B3GALT1: variants seen among roughly 807,000 people sequenced by gnomAD.
B3GALT1 encodes beta-1,3-galactosyltransferase 1.
A neutral mutation model predicts 23.2 loss-of-function variants in B3GALT1; 10 were observed. That is an observed-to-expected ratio of 0.43 (90% CI 0.27 to 0.73). The LOEUF is 0.73. Ranked by LOEUF, B3GALT1 falls within the 30% of genes least tolerant of loss-of-function variation. The pLI is 0.21. For synonymous variants in B3GALT1, 156 were observed against 141.5 expected (o/e 1.10, Z -0.73); for missense variants, 299 against 405.4 (o/e 0.74, Z 2.25).
chr2:167,859,503 G>T (rs1690058759), intron 4 of B3GALT1, among the ~76,000 whole-genome samples: 1 of 152,112 alleles, frequency 6.6e-6, no homozygotes, highest in South Asian at 2.1e-4. Flanking sequence ...CACACACAAA[G>T]ACATCCTCAT....
chr2:167,562,695 G>A (rs984337626), intron 2 of B3GALT1, among the ~76,000 whole-genome samples: 11 of 149,516 alleles, frequency 7.4e-5, no homozygotes, highest in Non-Finnish European at 1.2e-4. Flanking sequence ...GTTTCTCGCA[G>A]AGGGGGATTT....
rs535369991 is a variant in B3GALT1, at chr2:167,303,682, C to CACACACACACACACACACACACACATAG, written c.-511+10349_-511+10350insCACACACACACACACACACACACATAGA. The stretch of plus-strand genomic sequence containing the variant: ...ACACACACACACACACACACACACA[C>CACACACACACACACACACACACACATAG]AGAGAGAGACCTTGTTGCTGCCATT... On this transcript the variant is annotated intron_variant, in intron 1 of 4. Coordinates refer to ENST00000392690, the MANE Select transcript of B3GALT1 (RefSeq NM_020981.4). Among the ~76,000 whole-genome samples the CACACACACACACACACACACACACATAG allele has an allele frequency of 2.0e-4, 30 of 148,830 alleles. No homozygotes were observed. In the East Asian group the frequency reaches 2.1e-3, roughly 10 times the overall value.
chr2:167,327,954 C>A, intron 1 of B3GALT1, among the ~76,000 whole-genome samples: 1 of 152,246 alleles, frequency 6.6e-6, no homozygotes, highest in Non-Finnish European at 1.5e-5. Context: ...TCATCAAATA[C>A]TTTTTCTGCA....
intron 2 of B3GALT1, among the ~76,000 whole-genome samples, chr2:167,608,229 C>G (rs1194153393): frequency 2.0e-5 from 3 of 152,060 alleles, no homozygotes; most frequent in Admixed American, 6.6e-5. Flanking sequence ...CAAAATTAAA[C>G]AAACATAAGT....
intron 3 of B3GALT1, among the ~76,000 whole-genome samples, chr2:167,686,861 T>A (rs1048269166): frequency 1.3e-5 from 2 of 152,202 alleles, no homozygotes; most frequent in African/African-American, 4.8e-5. Flanking sequence ...CCGTGCTCAT[T>A]CCTGAGCAGC....
chr2:167,598,245 C>A (rs1574159938), intron 2 of B3GALT1, among the ~76,000 whole-genome samples: 1 of 151,762 alleles, frequency 6.6e-6, no homozygotes, highest in Non-Finnish European at 1.5e-5. Flanking sequence ...TTCAAACCCT[C>A]AATTCTGATT....
chr2:167,524,747 A>G (rs1257327721), intron 2 of B3GALT1, among the ~76,000 whole-genome samples: 11 of 152,188 alleles, frequency 7.2e-5, no homozygotes, highest in South Asian at 2.1e-4. Context: ...TTTCTTTGCA[A>G]GAGAGAGGCA....
intron 1 of B3GALT1, among the ~76,000 whole-genome samples, chr2:167,311,177 G>A (rs1317651821): frequency 6.6e-6 from 1 of 152,050 alleles, no homozygotes; most frequent in African/African-American, 2.4e-5. Context: ...AGTATTGAGA[G>A]GAGATATATG....
Position 167,478,588 on chromosome 2 carries a change from TTAAGTTC to T in B3GALT1, c.-510-11586_-510-11580del, listed in dbSNP as rs548638551. On this transcript the variant is annotated intron_variant, in intron 1 of 4. Transcript: ENST00000392690. ...TTATAGTTTTTTTTTAAATTATACT[TTAAGTTC>T]TAGGGTACATGTGCACAACGTGCAG... 3.4e-3 allele frequency among the ~76,000 whole-genome samples: 519 copies of T among 152,214 alleles called. 6 individuals carry two copies. The highest frequency in any genetic ancestry group is 6.4e-3 in the South Asian group (31 of 4,810).
chr2:167,713,361 C>G (rs1687092143), intron 3 of B3GALT1, among the ~76,000 whole-genome samples: 1 of 152,166 alleles, frequency 6.6e-6, no homozygotes, highest in Non-Finnish European at 1.5e-5. Flanking sequence ...ATTATTATCA[C>G]AAAATGAAGT....
At chr2:167,737,193 G>A (rs904973460) in intron 3 of B3GALT1, among the ~76,000 whole-genome samples, 3 of 152,160 alleles carry the variant, frequency 2.0e-5, no homozygotes, top group African/African-American at 7.2e-5. Flanking sequence ...TATTCGCCAG[G>A]CATCATGCTA....
At chr2:167,457,598 C>T (rs1212107071) in intron 1 of B3GALT1, among the ~76,000 whole-genome samples, 2 of 151,888 alleles carry the variant, frequency 1.3e-5, no homozygotes, top group South Asian at 2.1e-4. Flanking sequence ...TTCCATAATC[C>T]ATCACCAATT....
intron 1 of B3GALT1, among the ~76,000 whole-genome samples, chr2:167,381,045 CAAAAT>C (rs1469142293): frequency 3.9e-5 from 6 of 152,038 alleles, no homozygotes; most frequent in African/African-American, 7.2e-5. Context: ...AAAAACAAAA[CAAAAT>C]AACACTTCTG....
chr2:167,324,023 A>G (rs1696853421), intron 1 of B3GALT1, among the ~76,000 whole-genome samples: 1 of 151,984 alleles, frequency 6.6e-6, no homozygotes, highest in South Asian at 2.1e-4. Flanking sequence ...TCCAGGCCAC[A>G]GTCGTCTTGA....
intron 4 of B3GALT1, among the ~76,000 whole-genome samples, chr2:167,824,176 T>C (rs553439947): frequency 1.3e-5 from 2 of 152,334 alleles, no homozygotes; most frequent in African/African-American, 4.8e-5. Flanking sequence ...AAAAAGCTAG[T>C]TTAGCTGGAG....
intron 2 of B3GALT1, among the ~76,000 whole-genome samples, chr2:167,556,859 G>T (rs953437412): frequency 6.6e-6 from 1 of 152,126 alleles, no homozygotes. Context: ...CCATCTTCCT[G>T]CAATGGAATA....
chr2:167,792,918 G>T (rs1422881213), intron 3 of B3GALT1, among the ~76,000 whole-genome samples: 1 of 151,502 alleles, frequency 6.6e-6, no homozygotes, highest in Admixed American at 6.6e-5. Flanking sequence ...AGATGAAGAA[G>T]GAGGAAATAA....
At chr2:167,825,226 G>A (rs1259027634) in intron 4 of B3GALT1, among the ~76,000 whole-genome samples, 2 of 149,068 alleles carry the variant, frequency 1.3e-5, no homozygotes, top group Admixed American at 6.7e-5. Context: ...GAAGCTTGCA[G>A]TGAGCCGAGA....
intron 3 of B3GALT1, among the ~76,000 whole-genome samples, chr2:167,675,382 C>G (rs536126326): frequency 6.6e-6 from 1 of 152,178 alleles, no homozygotes; most frequent in Non-Finnish European, 1.5e-5. Flanking sequence ...TTCAGATAAA[C>G]TACCTGCACA....
Sources: gnomAD v4.1 joint callset for allele counts (sites outside exome capture counted in the v4.1 genomes callset) on GRCh38, gnomAD v4.1.1 for gene constraint, MANE v1.5 for transcripts, NCBI Gene and HGNC (gene_info 2026-07-23, HGNC 2026-07-21) for gene names.